RB1: variants seen among roughly 807,000 people sequenced by gnomAD.
RB1 encodes the protein RB transcriptional corepressor 1.
In RB1, 18 loss-of-function variants were observed where a neutral mutation model predicts 135.4. The observed-to-expected ratio is 0.13, with a 90% confidence interval of 0.09 to 0.20. The LOEUF is 0.20. Ranked by LOEUF, RB1 falls within the 10% of genes least tolerant of loss-of-function variation. The pLI, the probability that RB1 is intolerant of heterozygous loss-of-function variation, is 1.00. For missense variants in RB1, 868 were observed against 1,110.0 expected, an observed-to-expected ratio of 0.78 and a Z score of 3.10; for synonymous variants, 365 against 373.2, an observed-to-expected ratio of 0.98 and a Z score of 0.25.
intron 17 of RB1, among the ~76,000 whole-genome samples, chr13:48,414,315 C>G (rs541346160): frequency 6.6e-6 from 1 of 151,094 alleles, no homozygotes; most frequent in African/African-American, 2.4e-5. Flanking sequence ...CCACTGCACT[C>G]CAGCCTGGGC....
At chr13:48,331,948 T>C (rs1952340927) in intron 2 of RB1, among the ~76,000 whole-genome samples, 1 of 152,186 alleles carries the variant, frequency 6.6e-6, no homozygotes, top group Non-Finnish European at 1.5e-5. Flanking sequence ...ATATCTTAAG[T>C]TAAAATTGCA....
chr13:48,472,385 G>T (rs1384069057), intron 23 of RB1, among the ~76,000 whole-genome samples: 1 of 152,006 alleles, frequency 6.6e-6, no homozygotes, highest in African/African-American at 2.4e-5. Flanking sequence ...TATTTATTTG[G>T]TGTTCTTGTA....
chr13:48,343,563 C>T (rs1287902852), intron 3 of RB1, among the ~76,000 whole-genome samples: 3 of 152,088 alleles, frequency 2.0e-5, no homozygotes, highest in African/African-American at 2.4e-5. Flanking sequence ...ATACCTGCAA[C>T]ACCACAGGCA....
At chr13:48,348,714 G>GTATA (rs967792062) in intron 5 of RB1, among the ~76,000 whole-genome samples, 14 of 148,908 alleles carry the variant, frequency 9.4e-5, no homozygotes, top group African/African-American at 3.5e-4. Flanking sequence ...GGTCAAGAAT[G>GTATA]TATACTATTC....
chr13:48,412,181 A>C, intron 17 of RB1: 2 of 1,614,060 alleles, frequency 1.2e-6, no homozygotes, highest in Non-Finnish European at 1.7e-6. Flanking sequence ...CAAATGGCCA[A>C]TTCCGTGTTG....
At chr13:48,453,409 A>G (rs1010973032) in intron 18 of RB1, among the ~76,000 whole-genome samples, 6 of 152,146 alleles carry the variant, frequency 3.9e-5, no homozygotes, top group Non-Finnish European at 7.4e-5. Flanking sequence ...GAGACAGAGG[A>G]GTGTGTTCCA....
At chr13:48,340,971 G>A (rs1254432792) in intron 2 of RB1, 3 of 152,096 alleles carry the variant, frequency 2.0e-5, no homozygotes, top group African/African-American at 7.2e-5. Flanking sequence ...TAAGTGCACA[G>A]TTCAATACGT....
At chr13:48,434,399 C>G (rs1041378231) in intron 17 of RB1, among the ~76,000 whole-genome samples, 5 of 152,242 alleles carry the variant, frequency 3.3e-5, no homozygotes, top group African/African-American at 1.2e-4. Context: ...ATTGCTCTGT[C>G]AGCAATATCT....
rs765678030 is a variant in RB1 at position 48,367,522 on chromosome 13, A to G, written c.968A>G (p.Glu323Gly). The G allele has an allele frequency of 1.2e-6, 2 of 1,604,594 alleles. No individual in the cohort carries two copies. The highest frequency in any genetic ancestry group is 1.7e-6 in the Non-Finnish European group (2 of 1,174,390). ...GAAAATCTTTCTAAACGATACGAAG[A>G]AATTTATCTTAAAAATAAAGATCTA... ...EVENLSKRYE[E>G]IYLKNKDLDA... The change falls in exon 10 of 27, where the codon GAA becomes GGA. Residue 323 changes from glutamate to glycine, a missense_variant. Around this residue, in one of 3 missense-constraint regions of RB1, gnomAD observed 641 missense variants for 791.3 expected, o/e 0.81. Transcript: ENST00000267163.
At chr13:48,466,659 A>T (rs1261281648) in intron 23 of RB1, among the ~76,000 whole-genome samples, 1 of 139,664 alleles carries the variant, frequency 7.2e-6, no homozygotes, top group African/African-American at 2.6e-5. Context: ...GAAAACTTTG[A>T]AAAAAATTTA....
chr13:48,473,222 A>G, intron 23 of RB1, 138 bp from the exon 24 acceptor site: 1 of 650,722 alleles, frequency 1.5e-6, no homozygotes, highest in Non-Finnish European at 2.7e-6. Flanking sequence ...AAATGAATAT[A>G]GTTTGTCAGT....
At chr13:48,341,127 CT>C (rs1952439134) in intron 2 of RB1, 1 of 152,056 alleles carries the variant, frequency 6.6e-6, no homozygotes, top group Non-Finnish European at 1.5e-5. Flanking sequence ...TACTTTTTGA[CT>C]TTAAAGATTG....
At chr13:48,440,536 A>G (rs1275456928) in intron 17 of RB1, among the ~76,000 whole-genome samples, 1 of 152,148 alleles carries the variant, frequency 6.6e-6, no homozygotes, top group Non-Finnish European at 1.5e-5. Flanking sequence ...TTTGGTTGAA[A>G]TTTAGTATTT....
chr13:48,416,692 ACT>A (rs1240599621), intron 17 of RB1: 1 of 152,078 alleles, frequency 6.6e-6, no homozygotes, highest in Non-Finnish European at 1.5e-5. Context: ...CTGGCTTGAA[ACT>A]CTTACTGCCA....
rs139569191 is a variant in RB1 at position 48,377,745 on chromosome 13, A to G, written c.1332+711A>G. Among the ~76,000 whole-genome samples the G allele has an allele frequency of 3.6e-3, 544 of 152,272 alleles. 3 individuals carry two copies. The highest frequency in any genetic ancestry group is 0.012 in the African/African-American group (495 of 41,564). ...CACCACTTAACAGGGATATGTTCTG[A>G]CAAATGCATCATTAGGCAATTTTGT... On this transcript the variant is annotated intron_variant, in intron 13 of 26. Transcript: ENST00000267163.
intron 7 of RB1, among the ~76,000 whole-genome samples, chr13:48,362,340 TATC>T (rs1952651116): frequency 6.6e-6 from 1 of 151,924 alleles, no homozygotes; most frequent in African/African-American, 2.4e-5. Flanking sequence ...CACAGTTTAT[TATC>T]ATATTATTAT....
At chr13:48,343,876 C>T (rs1294662259) in intron 3 of RB1, among the ~76,000 whole-genome samples, 3 of 152,314 alleles carry the variant, frequency 2.0e-5, no homozygotes, top group South Asian at 4.1e-4. Flanking sequence ...ATGGCTCCCC[C>T]ATTCCTTTCT....
intron 11 of RB1, among the ~76,000 whole-genome samples, chr13:48,370,700 G>A (rs1952749690): frequency 1.3e-5 from 2 of 152,136 alleles, no homozygotes; most frequent in Admixed American, 6.5e-5. Flanking sequence ...TCAGCTATCC[G>A]GAAGTTCTCT....
At chr13:48,358,005 G>C (rs1438436499) in intron 6 of RB1, among the ~76,000 whole-genome samples, 1 of 152,084 alleles carries the variant, frequency 6.6e-6, no homozygotes, top group Non-Finnish European at 1.5e-5. Flanking sequence ...GGAATGTAAA[G>C]GGAAAGTGTA....
Sources: gnomAD v4.1 joint callset for allele counts (sites outside exome capture counted in the v4.1 genomes callset) on GRCh38, gnomAD v4.1.1 for gene constraint, gnomAD v4.1.1 regional missense constraint, MANE v1.5 for transcripts, NCBI Gene and HGNC (gene_info 2026-07-23, HGNC 2026-07-21) for gene names.